The following SRPK1 variants were observed in gnomAD, a reference collection of about 807,000 sequenced individuals.
SRPK1 encodes SRSF protein kinase 1.
In SRPK1, 52 loss-of-function variants were observed where a neutral mutation model predicts 89.5. The observed-to-expected ratio is 0.58, with a 90% CI of 0.46 to 0.73. The LOEUF (loss-of-function observed/expected upper bound fraction) is 0.73, where lower values mean the gene tolerates loss of function less well. SRPK1 is among the 30% of genes least tolerant of loss of function. The pLI is 0.00. For missense variants in SRPK1, 603 were observed against 780.6 expected (o/e 0.77, Z 2.71); for synonymous variants, 255 against 270.2 (o/e 0.94, Z 0.55).
At chr6:35,859,891 C>T (rs928516865) in intron 12 of SRPK1, among the ~76,000 whole-genome samples, 8 of 150,392 alleles carry the variant, frequency 5.3e-5, no homozygotes, top group Non-Finnish European at 1.0e-4. Flanking sequence ...TGGAGTCTCG[C>T]TCTGTCACCC....
intron 6 of SRPK1, among the ~76,000 whole-genome samples, chr6:35,883,320 C>G (rs952066204): frequency 6.6e-6 from 1 of 151,882 alleles, no homozygotes; most frequent in Non-Finnish European, 1.5e-5. Flanking sequence ...ACCTGGGAGG[C>G]GGAGGTTGCA....
intron 13 of SRPK1, among the ~76,000 whole-genome samples, chr6:35,855,815 A>G (rs926748210): frequency 2.2e-4 from 33 of 151,998 alleles, no homozygotes; most frequent in African/African-American, 7.5e-4. Context: ...GCTCACTGCA[A>G]CCTCTGCTTC....
intron 2 of SRPK1, among the ~76,000 whole-genome samples, chr6:35,913,267 T>C (rs1223553939): frequency 2.6e-5 from 4 of 152,158 alleles, no homozygotes; most frequent in Non-Finnish European, 5.9e-5. Context: ...ACAAAATATT[T>C]TCTGACAAGA....
At chr6:35,896,468 C>A (rs1386555903) in intron 2 of SRPK1, among the ~76,000 whole-genome samples, 3 of 152,142 alleles carry the variant, frequency 2.0e-5, no homozygotes, top group Admixed American at 6.5e-5. Context: ...GTGAAAAAAA[C>A]TGGAACCCTT....
intron 14 of SRPK1, 110 bp from the exon 15 acceptor site, chr6:35,838,539 A>C (rs2151077486): frequency 7.6e-7 from 1 of 1,312,996 alleles, no homozygotes; most frequent in East Asian, 2.4e-5. Context: ...CTCTTTGTAA[A>C]GCCTATCAGG....
At chr6:35,851,455 T>A (rs1308053566) in intron 13 of SRPK1, among the ~76,000 whole-genome samples, 2 of 152,096 alleles carry the variant, frequency 1.3e-5, no homozygotes, top group African/African-American at 4.8e-5. Context: ...ATTACAGGCA[T>A]GAGCTATTGT....
chr6:35,873,680 G>T (rs1770088658), intron 7 of SRPK1, among the ~76,000 whole-genome samples: 1 of 151,756 alleles, frequency 6.6e-6, no homozygotes, highest in Non-Finnish European at 1.5e-5. Flanking sequence ...AGTAGAGACG[G>T]GGTTTCGCAC....
chr6:35,896,728 T>G (rs1292502747), intron 2 of SRPK1, among the ~76,000 whole-genome samples: 1 of 152,230 alleles, frequency 6.6e-6, no homozygotes, highest in Non-Finnish European at 1.5e-5. Flanking sequence ...GAACTTATTA[T>G]GAATGTACTA....
At chr6:35,895,764 G>A (rs2127260507) in intron 2 of SRPK1, 1 of 152,300 alleles carries the variant, frequency 6.6e-6, no homozygotes, top group East Asian at 1.9e-4. Context: ...GCCCTGCTGG[G>A]TTTCCATACT....
At position 35,869,699 on chromosome 6, in the gene SRPK1, T is replaced by C. The variant is rs369251843; in HGVS notation, c.1194A>G (p.Leu398=). 186 of 1,613,924 alleles carry C rather than the reference T, an allele frequency of 1.2e-4. No homozygotes were observed. In the African/African-American group the frequency reaches 1.7e-3, roughly 15 times the overall value. ...TGCTGCTGTCTCCATTTTGGGAGCT[T>C]AGGAAACTAGATTCCTGATTCAAAT... ...VQNLNQESSF[L]SSQNGDSSTS... is the part of the protein sequence containing the mutation. The change falls in exon 11 of 16, where the codon CTA becomes CTG. Residue 398 remains leucine (L), a synonymous_variant. Transcript: ENST00000373825.
chr6:35,904,358 T>C (rs1324653047), intron 2 of SRPK1, among the ~76,000 whole-genome samples: 1 of 152,046 alleles, frequency 6.6e-6, no homozygotes, highest in African/African-American at 2.4e-5. Context: ...CTTCCACAAC[T>C]GTGCTTAATA....
chr6:35,877,712 G>A lies in SRPK1; in HGVS notation c.479-3373C>T, dbSNP rs776720262. ...AAAAAAACTAGCCAGGCATGGTGGC[G>A]CGTGCCTGTAGTCCCAGCTACTTAG... On this transcript the variant is annotated intron_variant, in intron 6 of 15. Coordinates refer to ENST00000373825, the MANE Select transcript of SRPK1 (RefSeq NM_003137.5). 3.2e-4 allele frequency among the ~76,000 whole-genome samples: 48 copies of A among 152,066 alleles called. 1 individual carries two copies. The highest frequency in any genetic ancestry group is 6.5e-4 in the Admixed American group (10 of 15,284).
intron 3 of SRPK1, 149 bp downstream of exon 3, chr6:35,890,746 C>A: frequency 1.6e-6 from 1 of 620,272 alleles, no homozygotes; most frequent in South Asian, 5.1e-5. Flanking sequence ...TTAAGTCAGA[C>A]TAAGAACAAA....
chr6:35,914,518 A>G (rs1396760290), intron 2 of SRPK1, among the ~76,000 whole-genome samples: 1 of 152,158 alleles, frequency 6.6e-6, no homozygotes, highest in Non-Finnish European at 1.5e-5. Context: ...TCACCTTTTC[A>G]GTGTGGCCTC....
intron 6 of SRPK1, among the ~76,000 whole-genome samples, chr6:35,886,185 A>G (rs1770405758): frequency 6.7e-6 from 1 of 150,020 alleles, no homozygotes; most frequent in South Asian, 2.1e-4. Context: ...AGTTCAAGTG[A>G]TTCTCCAGCC....
chr6:35,909,694 G>A (rs1049320717), intron 2 of SRPK1, among the ~76,000 whole-genome samples: 4 of 152,212 alleles, frequency 2.6e-5, no homozygotes, highest in Admixed American at 6.5e-5. Context: ...ATCAGATCAT[G>A]GGGGTGGCTC....
chr6:35,911,423 G>C (rs756902554), intron 2 of SRPK1, among the ~76,000 whole-genome samples: 4 of 152,000 alleles, frequency 2.6e-5, no homozygotes. Flanking sequence ...TGATGAGAAA[G>C]TGGTTACTTG....
chr6:35,876,715 A>T (rs146744178), intron 6 of SRPK1, among the ~76,000 whole-genome samples: 2 of 152,328 alleles, frequency 1.3e-5, no homozygotes, highest in East Asian at 3.9e-4. Flanking sequence ...CAGGCACTGG[A>T]CTTATCTTAT....
At chr6:35,849,946 A>T (rs1769517820) in intron 13 of SRPK1, among the ~76,000 whole-genome samples, 1 of 152,352 alleles carries the variant, frequency 6.6e-6, no homozygotes. Flanking sequence ...ATGAAGTGAA[A>T]TAAGCCAGGG....
Sources: gnomAD v4.1 joint callset for allele counts (sites outside exome capture counted in the v4.1 genomes callset) on GRCh38, gnomAD v4.1.1 for gene constraint, MANE v1.5 for transcripts, NCBI Gene and HGNC (gene_info 2026-07-23, HGNC 2026-07-21) for gene names.